The following GLT1D1 variants were observed in gnomAD, a reference collection of about 807,000 sequenced individuals.
GLT1D1 encodes the protein glycosyltransferase 1 domain-containing protein 1.
A neutral mutation model predicts 28.7 loss-of-function variants in GLT1D1; 21 were observed. The ratio of observed to expected loss-of-function variants is 0.73; its 90% confidence interval spans 0.52 to 1.05. GLT1D1 has a LOEUF of 1.05. Among genes scored for constraint, GLT1D1 ranks in the 50% least tolerant of loss-of-function variants. GLT1D1 has a pLI of 0.00. For synonymous variants in GLT1D1, 147 were observed against 124.8 expected (o/e 1.18, Z -1.19); for missense variants, 343 against 330.6 (o/e 1.04, Z -0.29).
At chr12:128,915,225 A>C (rs1338008532) in intron 4 of GLT1D1, among the ~76,000 whole-genome samples, 1 of 152,214 alleles carries the variant, frequency 6.6e-6, no homozygotes, top group Non-Finnish European at 1.5e-5. Context: ...CCTGCTTTCC[A>C]AATTTTCAGT....
At chr12:128,876,144 CAG>C (rs1238905008) in intron 2 of GLT1D1, 82 bp downstream of exon 2, 16 of 1,250,638 alleles carry the variant, frequency 1.3e-5, no homozygotes, top group Non-Finnish European at 1.8e-5. Context: ...ACACGGGAAA[CAG>C]TGTCTCCTTT....
intron 7 of GLT1D1, among the ~76,000 whole-genome samples, chr12:128,970,410 C>T (rs114628606): frequency 0.025 from 3,872 of 152,334 alleles, 149 homozygotes; most frequent in African/African-American, 0.088. Flanking sequence ...ACTCCCGGAC[C>T]GAGGGGCTGT....
intron 4 of GLT1D1, among the ~76,000 whole-genome samples, chr12:128,919,677 T>C (rs1231548452): frequency 6.6e-6 from 1 of 152,198 alleles, no homozygotes. Flanking sequence ...ATATTGACAA[T>C]AGCTATTCTG....
At chr12:128,881,225 A>G (rs1957031176) in intron 2 of GLT1D1, among the ~76,000 whole-genome samples, 1 of 79,062 alleles carries the variant, frequency 1.3e-5, no homozygotes, top group South Asian at 4.5e-4. Flanking sequence ...CTCCGTTTCA[A>G]AAAAAAAAAA....
chr12:128,854,785 C>T (rs925533645), intron 1 of GLT1D1, among the ~76,000 whole-genome samples: 4 of 152,200 alleles, frequency 2.6e-5, no homozygotes, highest in Non-Finnish European at 4.4e-5. Context: ...GTATGAGCCA[C>T]TGTGCCCGGC....
At chr12:128,870,388 G>T (rs1052285450) in intron 1 of GLT1D1, among the ~76,000 whole-genome samples, 8 of 152,152 alleles carry the variant, frequency 5.3e-5, no homozygotes, top group Non-Finnish European at 8.8e-5. Flanking sequence ...CTTGAGTCAG[G>T]CGCGCACACA....
chr12:128,861,045 C>T (rs912350400), intron 1 of GLT1D1, among the ~76,000 whole-genome samples: 4 of 151,374 alleles, frequency 2.6e-5, no homozygotes, highest in Admixed American at 2.0e-4. Context: ...AAAATATTCA[C>T]GCCGAGAGTA....
At chr12:128,942,624 C>G (rs1875420369) in intron 4 of GLT1D1, among the ~76,000 whole-genome samples, 1 of 151,560 alleles carries the variant, frequency 6.6e-6, no homozygotes, top group Non-Finnish European at 1.5e-5. Context: ...AAGACGCCAT[C>G]AGGTTTTCCG....
In GLT1D1 at chr12:128,982,972, T is replaced by C; in HGVS notation, c.683T>C (p.Leu228Ser). 1 of 1,614,076 alleles carries C rather than the reference T, an allele frequency of 6.2e-7. No individual in the cohort carries two copies. Among genetic ancestry groups the C allele is most frequent in the Non-Finnish European group, 8.5e-7 (1 of 1,179,942 alleles). The stretch of plus-strand genomic sequence containing the variant: ...AAGAGACTGGTTAGTGATCCTGCAT[T>C]AGAAAAGGAAATCGTAGTGAACGGA... The change falls in exon 8 of 8, where the codon TTA becomes TCA. Residue 228 changes from leucine to serine, a missense_variant. Coordinates refer to ENST00000281703, the MANE Select transcript of GLT1D1 (RefSeq NM_144669.3).
intron 4 of GLT1D1, among the ~76,000 whole-genome samples, chr12:128,935,988 G>A (rs1274455861): frequency 6.6e-6 from 1 of 152,054 alleles, no homozygotes; most frequent in Non-Finnish European, 1.5e-5. Context: ...GGGTGCGCAG[G>A]ACTTAACTGC....
intron 4 of GLT1D1, among the ~76,000 whole-genome samples, chr12:128,923,528 CT>C (rs547430064): frequency 2.6e-4 from 38 of 144,518 alleles, no homozygotes; most frequent in Admixed American, 2.8e-4. Context: ...TTTTTCTTTT[CT>C]TTTTTTTTTT....
chr12:128,944,254 C>G (rs1164866540), intron 4 of GLT1D1: 2 of 563,740 alleles, frequency 3.5e-6, no homozygotes, highest in Non-Finnish European at 6.7e-6. Context: ...ACTAATAGTT[C>G]CACACATTTC....
intron 4 of GLT1D1, among the ~76,000 whole-genome samples, chr12:128,910,569 C>T (rs470399): frequency 0.39 from 59,414 of 151,870 alleles, 11,865 homozygotes; most frequent in East Asian, 0.49. Context: ...CACTCCAAGC[C>T]TCCACTACAC....
chr12:128,872,518 T>C (rs1378838588), intron 1 of GLT1D1, among the ~76,000 whole-genome samples: 1 of 152,138 alleles, frequency 6.6e-6, no homozygotes, highest in African/African-American at 2.4e-5. Flanking sequence ...GAGGTCCTGC[T>C]GTGGGAGGGT....
chr12:128,894,173 T>C (rs1008207190), intron 3 of GLT1D1, among the ~76,000 whole-genome samples: 1 of 152,114 alleles, frequency 6.6e-6, no homozygotes, highest in Non-Finnish European at 1.5e-5. Context: ...ATTATGAAAG[T>C]GGGCCTTGGT....
At chr12:128,976,346 G>C (rs532087088) in intron 7 of GLT1D1, among the ~76,000 whole-genome samples, 2 of 152,258 alleles carry the variant, frequency 1.3e-5, no homozygotes, top group South Asian at 4.2e-4. Flanking sequence ...GACTGAGGGC[G>C]GGTATGTGGG....
chr12:128,915,726 G>A, intron 4 of GLT1D1, among the ~76,000 whole-genome samples: 1 of 152,150 alleles, frequency 6.6e-6, no homozygotes, highest in East Asian at 1.9e-4. Context: ...TGCTATTAAT[G>A]TTTGATGTGA....
chr12:128,958,748 CAAAAAAAAA>C (rs71072431), intron 7 of GLT1D1, among the ~76,000 whole-genome samples: 3 of 42,654 alleles, frequency 7.0e-5, no homozygotes, highest in African/African-American at 1.1e-4. Context: ...GACTCTGCCT[CAAAAAAAAA>C]AAAAAAAAAA....
intron 7 of GLT1D1, among the ~76,000 whole-genome samples, chr12:128,959,411 T>TGGAGGGG (rs1555219943): frequency 6.3e-5 from 2 of 31,540 alleles, no homozygotes; most frequent in East Asian, 6.0e-3. Context: ...CATGAGGCAG[T>TGGAGGGG]GGGGGGGGAC....
Sources: gnomAD v4.1 joint callset for allele counts (sites outside exome capture counted in the v4.1 genomes callset) on GRCh38, gnomAD v4.1.1 for gene constraint, MANE v1.5 for transcripts, NCBI Gene and HGNC (gene_info 2026-07-23, HGNC 2026-07-21) for gene names.